Variants in PPFIA2 observed in about 807,000 individuals in gnomAD.
PPFIA2 encodes liprin-alpha-2.
In PPFIA2, 46 loss-of-function variants were observed where a neutral mutation model predicts 175.5. The ratio of observed to expected loss-of-function variants is 0.26; its 90% confidence interval spans 0.21 to 0.34. The LOEUF (loss-of-function observed/expected upper bound fraction) is 0.34. PPFIA2 is among the 10% of genes least tolerant of loss of function. The pLI is 1.00. For missense variants in PPFIA2, 1,179 were observed against 1,506.1 expected, an observed-to-expected ratio of 0.78 and a Z score of 3.60; for synonymous variants, 568 against 511.4, an observed-to-expected ratio of 1.11 and a Z score of -1.49.
In PPFIA2 at chr12:81,347,786, T is replaced by G. The variant is rs777162361; in HGVS notation, c.1995-16A>C. 3.1e-6 allele frequency: 5 copies of G among 1,611,946 alleles called. No homozygotes were observed. The highest frequency in any genetic ancestry group is 4.2e-6 in the Non-Finnish European group (5 of 1,179,408). ...CTGAATTAGCCTGAAAGATACAGTT[T>G]AATTATGATCCATATATAATTTAAT... is the stretch of plus-strand genomic sequence containing the variant. On this transcript the variant is annotated splice_polypyrimidine_tract_variant and intron_variant, in intron 17 of 32. Coordinates refer to ENST00000549396, the MANE Select transcript of PPFIA2 (RefSeq NM_003625.5).
chr12:81,450,532 G>T (rs1481164221), intron 5 of PPFIA2, among the ~76,000 whole-genome samples: 2 of 152,062 alleles, frequency 1.3e-5, no homozygotes, highest in East Asian at 3.9e-4. Flanking sequence ...GTAGATTCTG[G>T]ATATTAGCCC....
intron 4 of PPFIA2, among the ~76,000 whole-genome samples, chr12:81,542,875 G>A (rs575195418): frequency 1.4e-4 from 22 of 152,158 alleles, no homozygotes; most frequent in African/African-American, 5.3e-4. Flanking sequence ...GGGCATGATG[G>A]TTCAAGCTAT....
chr12:81,614,663 T>C (rs1288770640), intron 4 of PPFIA2, among the ~76,000 whole-genome samples: 1 of 152,142 alleles, frequency 6.6e-6, no homozygotes. Flanking sequence ...ATTTTACTTT[T>C]TCCAAGAATT....
Position 81,570,653 on chromosome 12 carries a change from AAAG to A in PPFIA2, c.303+106135_303+106137del, listed in dbSNP as rs569720768. Among the ~76,000 whole-genome samples, 419 of 151,308 alleles carry A rather than the reference AAAG, an allele frequency of 2.8e-3. 1 individual carries two copies. The highest frequency in any genetic ancestry group is 9.4e-3 in the African/African-American group (389 of 41,406). ...CATCAGTTGTGAAAATTTTTCTTAA[AAAG>A]GGGGAATTTATCTCATTCCTTTAAA... On this transcript the variant is annotated intron_variant, in intron 4 of 32. Transcript: ENST00000549396.
At chr12:81,725,807 G>C (rs1429486190) in intron 3 of PPFIA2, among the ~76,000 whole-genome samples, 1 of 150,540 alleles carries the variant, frequency 6.6e-6, no homozygotes, top group Non-Finnish European at 1.5e-5. Context: ...AAGTAAAAAA[G>C]AAAAATGACA....
At chr12:81,658,852 T>C (rs2068258172) in intron 4 of PPFIA2, among the ~76,000 whole-genome samples, 1 of 152,124 alleles carries the variant, frequency 6.6e-6, no homozygotes, top group African/African-American at 2.4e-5. Flanking sequence ...ATTTCTATGG[T>C]TAAAATGATA....
intron 3 of PPFIA2, among the ~76,000 whole-genome samples, chr12:81,689,709 C>A (rs978047817): frequency 5.9e-5 from 9 of 151,978 alleles, no homozygotes; most frequent in African/African-American, 1.7e-4. Flanking sequence ...TTATAATATT[C>A]TTTCATTTAC....
chr12:81,309,994 T>C (rs984077141), intron 22 of PPFIA2, among the ~76,000 whole-genome samples: 8 of 152,110 alleles, frequency 5.3e-5, no homozygotes, highest in Non-Finnish European at 8.8e-5. Flanking sequence ...GTCTGTACTT[T>C]CCAGTCACTT....
intron 4 of PPFIA2, among the ~76,000 whole-genome samples, chr12:81,460,599 G>C (rs2054354747): frequency 6.6e-6 from 1 of 152,002 alleles, no homozygotes; most frequent in Non-Finnish European, 1.5e-5. Context: ...TGTAGAGGCA[G>C]ATATCTCACA....
At chr12:81,377,467 C>T (rs1347628301) in intron 9 of PPFIA2, among the ~76,000 whole-genome samples, 2 of 151,718 alleles carry the variant, frequency 1.3e-5, no homozygotes, top group Non-Finnish European at 2.9e-5. Context: ...GCCTGAGAAT[C>T]GCTTGAACCT....
chr12:81,405,635 A>C (rs1365707057), intron 8 of PPFIA2, among the ~76,000 whole-genome samples, 152 bp downstream of exon 8: 1 of 152,138 alleles, frequency 6.6e-6, no homozygotes, highest in Non-Finnish European at 1.5e-5. Flanking sequence ...AATAAGAACA[A>C]ATATTAGAAA....
In PPFIA2 at chr12:81,515,131, C is replaced by A. The variant is rs551830206; in HGVS notation, c.304-57265G>T. Among the ~76,000 whole-genome samples, 20 of 151,906 alleles carry A rather than the reference C, an allele frequency of 1.3e-4. No homozygotes were observed. In the South Asian group the frequency reaches 3.9e-3, roughly 30 times the overall value. On this transcript the variant is annotated intron_variant, in intron 4 of 32. Transcript: ENST00000549396. ...GAAAAATGAAGATACATAAAATCAT[C>A]ATAATAAAAAACAAACTGCCAATTA...
At chr12:81,410,826 G>T (rs2043818419) in intron 7 of PPFIA2, among the ~76,000 whole-genome samples, 1 of 152,006 alleles carries the variant, frequency 6.6e-6, no homozygotes, top group Admixed American at 6.6e-5. Flanking sequence ...TACTAAGGAA[G>T]GTAAGCTGGT....
At chr12:81,389,822 G>T (rs753664963) in intron 8 of PPFIA2, among the ~76,000 whole-genome samples, 7 of 151,920 alleles carry the variant, frequency 4.6e-5, no homozygotes, top group Non-Finnish European at 7.4e-5. Context: ...GCCATAAAAC[G>T]CACCCTTTAA....
At chr12:81,344,775 T>A (rs2058749280) in intron 18 of PPFIA2, 82 bp from the exon 19 acceptor site, 5 of 955,746 alleles carry the variant, frequency 5.2e-6, no homozygotes, top group Non-Finnish European at 7.8e-6. Context: ...TTTTAAATAG[T>A]GTCTACAACT....
intron 3 of PPFIA2, among the ~76,000 whole-genome samples, chr12:81,743,411 CAAAAAA>C (rs772497730): frequency 5.6e-4 from 14 of 24,852 alleles, no homozygotes; most frequent in Non-Finnish European, 6.5e-5. Context: ...GACTCCGTCT[CAAAAAA>C]AAAAAAAAAA....
At chr12:81,671,723 C>T (rs781735594) in intron 4 of PPFIA2, among the ~76,000 whole-genome samples, 4 of 151,872 alleles carry the variant, frequency 2.6e-5, no homozygotes, top group Non-Finnish European at 5.9e-5. Context: ...ATCTGCCATG[C>T]CCAGGTTATT....
intron 4 of PPFIA2, among the ~76,000 whole-genome samples, chr12:81,478,497 A>G (rs949828298): frequency 1.3e-4 from 20 of 151,642 alleles, no homozygotes; most frequent in Admixed American, 1.3e-4. Context: ...TTTAATTGTG[A>G]TTTTAGGTTG....
At chr12:81,710,155 C>T (rs2077704659) in intron 3 of PPFIA2, among the ~76,000 whole-genome samples, 1 of 151,642 alleles carries the variant, frequency 6.6e-6, no homozygotes, top group Non-Finnish European at 1.5e-5. Context: ...AAATACTTTT[C>T]CAATATTTAT....
Sources: gnomAD v4.1 joint callset for allele counts (sites outside exome capture counted in the v4.1 genomes callset) on GRCh38, gnomAD v4.1.1 for gene constraint, MANE v1.5 for transcripts, NCBI Gene and HGNC (gene_info 2026-07-23, HGNC 2026-07-21) for gene names.